Variants in CPA6 observed in about 807,000 individuals in gnomAD.
CPA6 encodes the protein carboxypeptidase B.
In CPA6, 58 loss-of-function variants were observed where a neutral mutation model predicts 63.3. That is an observed-to-expected ratio of 0.92 (90% CI 0.74 to 1.14). The LOEUF is 1.14. Ranked by LOEUF, CPA6 falls within the 50% of genes most tolerant of loss-of-function variation. The pLI, the probability that CPA6 is intolerant of heterozygous loss-of-function variation, is 0.00. For missense variants in CPA6, 565 were observed against 526.6 expected (o/e 1.07, Z -0.71); for synonymous variants, 185 against 179.0 (o/e 1.03, Z -0.27).
chr8:67,513,840 C>T (rs1257801226), intron 3 of CPA6, among the ~76,000 whole-genome samples: 4 of 152,150 alleles, frequency 2.6e-5, no homozygotes, highest in African/African-American at 9.7e-5. Flanking sequence ...ATTCCTACCC[C>T]AGTTGTGTAT....
intron 2 of CPA6, among the ~76,000 whole-genome samples, chr8:67,599,643 T>A (rs947548844): frequency 1.3e-5 from 2 of 152,218 alleles, no homozygotes; most frequent in Non-Finnish European, 2.9e-5. Context: ...CAATGCTGAT[T>A]TGGTAAGAAT....
At chr8:67,654,906 G>T (rs1815946517) in intron 1 of CPA6, among the ~76,000 whole-genome samples, 2 of 152,082 alleles carry the variant, frequency 1.3e-5, no homozygotes, top group African/African-American at 4.8e-5. Flanking sequence ...ATTTAGTATA[G>T]CTTTCTATTG....
intron 1 of CPA6, among the ~76,000 whole-genome samples, chr8:67,713,342 G>C (rs574302439): frequency 6.4e-4 from 97 of 151,910 alleles, no homozygotes; most frequent in South Asian, 1.5e-3. Flanking sequence ...TGGATAAGTG[G>C]GGGTGACTAC....
At chr8:67,464,615 C>T in intron 8 of CPA6, among the ~76,000 whole-genome samples, 1 of 152,082 alleles carries the variant, frequency 6.6e-6, no homozygotes, top group East Asian at 1.9e-4. Flanking sequence ...ATGGTGTTTC[C>T]TAGGTTTTCT....
intron 2 of CPA6, among the ~76,000 whole-genome samples, chr8:67,529,646 T>C (rs933754249): frequency 4.6e-5 from 7 of 152,050 alleles, no homozygotes; most frequent in Non-Finnish European, 1.0e-4. Context: ...AGAAAATAAG[T>C]AGGTCAAGTG....
At chr8:67,573,717 C>A (rs1294105936) in intron 2 of CPA6, among the ~76,000 whole-genome samples, 1 of 151,076 alleles carries the variant, frequency 6.6e-6, no homozygotes, top group East Asian at 2.0e-4. Flanking sequence ...ACGGTGAAAC[C>A]CTGTCTCTAC....
intron 2 of CPA6, among the ~76,000 whole-genome samples, chr8:67,538,606 G>T (rs1161719444): frequency 6.7e-6 from 1 of 150,028 alleles, no homozygotes; most frequent in Non-Finnish European, 1.5e-5. Flanking sequence ...CACATGAGAT[G>T]GGTCGCCTGA....
intron 1 of CPA6, among the ~76,000 whole-genome samples, chr8:67,649,090 C>T (rs1385285527): frequency 9.9e-5 from 15 of 151,690 alleles, no homozygotes; most frequent in Admixed American, 9.9e-4. Flanking sequence ...GGCAAAAGAG[C>T]AGTGCAAGGC....
At chr8:67,697,408 G>C (rs1816931178) in intron 1 of CPA6, among the ~76,000 whole-genome samples, 1 of 152,200 alleles carries the variant, frequency 6.6e-6, no homozygotes, top group Admixed American at 6.5e-5. Flanking sequence ...CCACTCAATA[G>C]TCATAAGACC....
At chr8:67,690,305 T>C (rs1816790442) in intron 1 of CPA6, among the ~76,000 whole-genome samples, 2 of 152,222 alleles carry the variant, frequency 1.3e-5, no homozygotes, top group Admixed American at 6.5e-5. Context: ...CAGAGGTTAA[T>C]ATTTTTAAGA....
At chr8:67,561,038 T>C (rs1047592894) in intron 2 of CPA6, among the ~76,000 whole-genome samples, 2 of 152,186 alleles carry the variant, frequency 1.3e-5, no homozygotes, top group African/African-American at 4.8e-5. Flanking sequence ...AAATCTCCTT[T>C]TAAAATTCCT....
intron 6 of CPA6, among the ~76,000 whole-genome samples, chr8:67,496,325 T>A (rs969224279): frequency 2.0e-5 from 3 of 151,998 alleles, no homozygotes; most frequent in Non-Finnish European, 4.4e-5. Context: ...ATGCTAAAAA[T>A]GTGGTGATCA....
At chr8:67,570,466 G>T (rs1436318750) in intron 2 of CPA6, among the ~76,000 whole-genome samples, 5 of 152,246 alleles carry the variant, frequency 3.3e-5, no homozygotes, top group African/African-American at 1.2e-4. Flanking sequence ...GAGTATGAGG[G>T]TTAAAGGGCA....
At chr8:67,464,648 G>A (rs537887995) in intron 8 of CPA6, among the ~76,000 whole-genome samples, 1 of 152,220 alleles carries the variant, frequency 6.6e-6, no homozygotes, top group Non-Finnish European at 1.5e-5. Flanking sequence ...ATAGTTTGAG[G>A]CCTTACATTT....
At position 67,511,547 on chromosome 8, in the gene CPA6, TA is replaced by T; in HGVS notation, c.425del (p.Leu142Ter). 6.4e-7 allele frequency: 1 copy of T among 1,566,782 alleles called. No individual in the cohort carries two copies. The highest frequency in any genetic ancestry group is 8.8e-7 in the Non-Finnish European group (1 of 1,137,232). ...AGCTCTTTTGATTACATACTTCTTC[TA>T]AGGAGTGATAAACTTCATAATTATA... is the stretch of plus-strand genomic sequence containing the variant. ...SGYNYEVYHS[L>X]EEIQNWMHHL... On this transcript the variant is annotated frameshift_variant, in exon 4 of 11. Transcript: ENST00000297770.
At chr8:67,665,890 T>C (rs998660241) in intron 1 of CPA6, among the ~76,000 whole-genome samples, 1 of 152,200 alleles carries the variant, frequency 6.6e-6, no homozygotes, top group South Asian at 2.1e-4. Flanking sequence ...GCAGATTAGA[T>C]GAATTAAGGG....
intron 1 of CPA6, among the ~76,000 whole-genome samples, chr8:67,647,930 A>G (rs1391907710): frequency 6.6e-6 from 1 of 152,200 alleles, no homozygotes; most frequent in African/African-American, 2.4e-5. Context: ...TTCCCTAAGA[A>G]GTAGGGTATA....
intron 8 of CPA6, among the ~76,000 whole-genome samples, chr8:67,459,901 G>A (rs923677569): frequency 2.0e-5 from 3 of 152,162 alleles, no homozygotes; most frequent in African/African-American, 7.2e-5. Context: ...GGGGGCTGTT[G>A]ACAATGCGGG....
rs889555787 is a variant in CPA6 at position 67,448,032 on chromosome 8, G to A, written c.839-13792C>T. On this transcript the variant is annotated intron_variant, in intron 8 of 10. Coordinates refer to ENST00000297770, the MANE Select transcript of CPA6 (RefSeq NM_020361.5). ...ACTCCCAAGCTCAGGTGATCCACCC[G>A]CCTCAGCCTCCCAAAGTGCTGGGAT... Among the ~76,000 whole-genome samples, 8 of 152,276 alleles carry A rather than the reference G, an allele frequency of 5.3e-5. No homozygotes were observed. The South Asian group carries it at 1.5e-3, about 28-fold the overall frequency.
Sources: gnomAD v4.1 joint callset for allele counts (sites outside exome capture counted in the v4.1 genomes callset) on GRCh38, gnomAD v4.1.1 for gene constraint, MANE v1.5 for transcripts, NCBI Gene and HGNC (gene_info 2026-07-23, HGNC 2026-07-21) for gene names.